Variants in ALK observed in about 807,000 individuals in gnomAD.
The protein encoded by ALK is ALK tyrosine kinase receptor.
In ALK, 74 loss-of-function variants were observed where a neutral mutation model predicts 163.1. The ratio of observed to expected loss-of-function variants is 0.45; its 90% CI spans 0.38 to 0.55. ALK has a LOEUF of 0.55. Ranked by LOEUF, ALK falls within the 20% of genes least tolerant of loss-of-function variation. ALK has a pLI of 0.00. For synonymous variants in ALK, 960 were observed against 843.2 expected (o/e 1.14, Z -2.40); for missense variants, 2,063 against 2,105.3 (o/e 0.98, Z 0.39).
intron 1 of ALK, among the ~76,000 whole-genome samples, chr2:29,895,357 G>A (rs1328190593): frequency 6.6e-6 from 1 of 152,214 alleles, no homozygotes; most frequent in African/African-American, 2.4e-5. Context: ...AAGACATTGA[G>A]AGTGAACAAA....
intron 16 of ALK, among the ~76,000 whole-genome samples, 197 bp downstream of exon 16, chr2:29,228,687 C>T (rs1053008034): frequency 1.3e-5 from 2 of 151,582 alleles, no homozygotes; most frequent in East Asian, 2.0e-4. Flanking sequence ...GCTGAGGAAG[C>T]CTGGAGGCAG....
chr2:29,283,238 C>T (rs1665758991), intron 9 of ALK, among the ~76,000 whole-genome samples: 1 of 152,230 alleles, frequency 6.6e-6, no homozygotes, highest in Non-Finnish European at 1.5e-5. Context: ...ATTTTCCCAT[C>T]ATCTCTTGCA....
At chr2:29,477,601 T>G (rs1219958405) in intron 4 of ALK, among the ~76,000 whole-genome samples, 1 of 152,190 alleles carries the variant, frequency 6.6e-6, no homozygotes, top group African/African-American at 2.4e-5. Context: ...ACTAAACAGA[T>G]GGCTTCTCAG....
At chr2:29,697,416 T>C (rs1313655649) in intron 2 of ALK, among the ~76,000 whole-genome samples, 3 of 152,174 alleles carry the variant, frequency 2.0e-5, no homozygotes, top group African/African-American at 7.2e-5. Flanking sequence ...CTGGGCAGAC[T>C]CTTTCTGTCC....
In ALK at chr2:29,246,665, G is replaced by A. The variant is rs547201466; in HGVS notation, c.2204+4440C>T. Reference sequence around the variant, plus strand: ...TGGATGTAGTCCCAGCGTTGCACCCGACCCCACATTCACTCAGTCCTCAAC... The same window carrying A: ...TGGATGTAGTCCCAGCGTTGCACCCAACCCCACATTCACTCAGTCCTCAAC... On this transcript the variant is annotated intron_variant, in intron 12 of 28. Coordinates refer to ENST00000389048, the MANE Select transcript of ALK (RefSeq NM_004304.5). This position sits in a 1 kb window ranked among gnomAD's most constrained non-coding sequence, Gnocchi z 4.3. 6.6e-6 allele frequency among the ~76,000 whole-genome samples: 1 copy of A among 152,210 alleles called. No individual in the cohort carries two copies. The highest frequency in any genetic ancestry group is 1.9e-4 in the East Asian group (1 of 5,168).
chr2:29,216,857 TGTA>T (rs1158339162), intron 23 of ALK, among the ~76,000 whole-genome samples: 1 of 148,882 alleles, frequency 6.7e-6, no homozygotes, highest in African/African-American at 2.5e-5. Context: ...TGGTGTGTGT[TGTA>T]TGTGTGTGGT....
In ALK at chr2:29,508,642, C is replaced by T. The variant is rs998471149; in HGVS notation, c.1154+23273G>A. The stretch of plus-strand genomic sequence containing the variant: ...AGCACACCAACATGGCACATGTATA[C>T]ATACGTAACTAACCTGCATGTTGTG... On this transcript the variant is annotated intron_variant, in intron 4 of 28. Coordinates refer to ENST00000389048, the MANE Select transcript of ALK (RefSeq NM_004304.5). Among the ~76,000 whole-genome samples, 3 of 137,598 alleles carry T rather than the reference C, an allele frequency of 2.2e-5. 1 individual carries two copies. The highest frequency in any genetic ancestry group is 4.6e-5 in the Non-Finnish European group (3 of 65,824). 90.3% of individuals were successfully genotyped at this position (137,598 alleles called of 152,430 possible).
chr2:29,279,887 T>C (rs1665661462), intron 9 of ALK, among the ~76,000 whole-genome samples: 1 of 152,238 alleles, frequency 6.6e-6, no homozygotes, highest in Non-Finnish European at 1.5e-5. Flanking sequence ...GGGAAAGTTC[T>C]GGCATGTACC....
chr2:29,534,769 C>T (rs1419611929), intron 3 of ALK, among the ~76,000 whole-genome samples: 1 of 152,248 alleles, frequency 6.6e-6, no homozygotes, highest in Non-Finnish European at 1.5e-5. Flanking sequence ...CACTGCTCCT[C>T]TCCACCCTTG....
chr2:29,507,900 G>A (rs7558735), intron 4 of ALK, among the ~76,000 whole-genome samples: 125,285 of 152,096 alleles, frequency 0.82, 52,023 homozygotes, highest in Non-Finnish European at 0.88. Flanking sequence ...TTGGCCCCCA[G>A]CGTGGCTCTG....
At chr2:29,379,630 TAGG>T (rs1234703124) in intron 5 of ALK, among the ~76,000 whole-genome samples, 11 of 152,150 alleles carry the variant, frequency 7.2e-5, no homozygotes, top group Non-Finnish European at 1.3e-4. Context: ...TGGTCCAGTA[TAGG>T]CCCCTTTTTC....
intron 3 of ALK, among the ~76,000 whole-genome samples, chr2:29,551,794 C>T (rs1475075166): frequency 6.6e-6 from 1 of 152,010 alleles, no homozygotes; most frequent in Non-Finnish European, 1.5e-5. Flanking sequence ...TTTTTCTTTA[C>T]ACTTTCTTGA....
chr2:29,848,324 G>T (rs890983032), intron 1 of ALK, among the ~76,000 whole-genome samples: 5 of 150,408 alleles, frequency 3.3e-5, no homozygotes, highest in Non-Finnish European at 5.9e-5. Flanking sequence ...CATGTTTCAT[G>T]CTGACCACCT....
At chr2:29,448,317 G>A (rs1430226573) in intron 4 of ALK, among the ~76,000 whole-genome samples, 1 of 152,206 alleles carries the variant, frequency 6.6e-6, no homozygotes, top group Admixed American at 6.5e-5. Flanking sequence ...TTAGGAGGGA[G>A]GCTGGCTTCG....
At chr2:29,331,046 T>G (rs1375794209) in intron 5 of ALK, among the ~76,000 whole-genome samples, 1 of 152,138 alleles carries the variant, frequency 6.6e-6, no homozygotes, top group Non-Finnish European at 1.5e-5. Flanking sequence ...CCCGCTGAAA[T>G]CCCAGACAGC....
chr2:29,406,528 T>G (rs1169400184), intron 4 of ALK, among the ~76,000 whole-genome samples: 1 of 152,160 alleles, frequency 6.6e-6, no homozygotes, highest in African/African-American at 2.4e-5. Flanking sequence ...AGCTGACCGA[T>G]TGCTGATTGT....
At chr2:29,601,613 G>A (rs1675382562) in intron 3 of ALK, among the ~76,000 whole-genome samples, 1 of 152,094 alleles carries the variant, frequency 6.6e-6, no homozygotes, top group Non-Finnish European at 1.5e-5. Context: ...GCAGAATTAT[G>A]GTGCTCACTC....
At chr2:29,372,155 G>T (rs17007998) in intron 5 of ALK, among the ~76,000 whole-genome samples, 14,890 of 152,224 alleles carry the variant, frequency 0.098, 748 homozygotes, top group African/African-American at 0.11. Context: ...TACACATCCT[G>T]CAGGTGCAAA....
At chr2:29,684,556 T>C (rs981142076) in intron 3 of ALK, among the ~76,000 whole-genome samples, 1 of 152,218 alleles carries the variant, frequency 6.6e-6, no homozygotes, top group African/African-American at 2.4e-5. Flanking sequence ...CTCCTCAACC[T>C]GGCCATCTGC....
Sources: allele counts gnomAD v4.1 joint callset (sites outside exome capture counted in the v4.1 genomes callset), GRCh38; gene constraint gnomAD v4.1.1; non-coding constraint Gnocchi (gnomAD v3.1); transcripts MANE v1.5; gene names NCBI Gene and HGNC (gene_info 2026-07-23, HGNC 2026-07-21).